Variants in HS3ST5 observed in about 807,000 individuals in gnomAD.
HS3ST5 encodes the protein heparan sulfate-glucosamine 3-sulfotransferase 5.
HS3ST5 carries 10 observed loss-of-function variants against 25.4 expected under a neutral mutation model. The ratio of observed to expected loss-of-function variants is 0.39; its 90% CI spans 0.24 to 0.67. The LOEUF (loss-of-function observed/expected upper bound fraction) is 0.67, where lower values mean the gene tolerates loss of function less well. HS3ST5 is among the 30% of genes least tolerant of loss of function. The pLI, the probability that HS3ST5 is intolerant of heterozygous loss-of-function variation, is 0.44. For synonymous variants in HS3ST5, 170 were observed against 162.4 expected, an observed-to-expected ratio of 1.05 and a Z score of -0.36; for missense variants, 324 against 420.7, an observed-to-expected ratio of 0.77 and a Z score of 2.01.
At chr6:114,138,082 T>C (rs1777721202) in intron 3 of HS3ST5, among the ~76,000 whole-genome samples, 1 of 152,114 alleles carries the variant, frequency 6.6e-6, no homozygotes, top group Non-Finnish European at 1.5e-5. Context: ...TTGTCTGAAG[T>C]CACATTGGTC....
chr6:114,127,281 A>C (rs1777089088), intron 3 of HS3ST5, among the ~76,000 whole-genome samples: 1 of 152,152 alleles, frequency 6.6e-6, no homozygotes, highest in South Asian at 2.1e-4. Context: ...CTACTTAATT[A>C]CCAATTTCTT....
chr6:114,294,212 T>C (rs138425753), intron 1 of HS3ST5, among the ~76,000 whole-genome samples: 216 of 152,222 alleles, frequency 1.4e-3, no homozygotes, highest in Middle Eastern at 0.014. Flanking sequence ...AGCTGATGCA[T>C]TGGAAGCAGA....
intron 2 of HS3ST5, among the ~76,000 whole-genome samples, chr6:114,189,266 T>C (rs1780380081): frequency 1.3e-5 from 2 of 152,170 alleles, no homozygotes; most frequent in African/African-American, 4.8e-5. Context: ...TTTGATACTT[T>C]ATCCACTTTA....
chr6:114,269,024 C>G (rs1003003361), intron 1 of HS3ST5, among the ~76,000 whole-genome samples: 1 of 152,204 alleles, frequency 6.6e-6, no homozygotes, highest in Non-Finnish European at 1.5e-5. Context: ...CCTTCCAACA[C>G]TTAACATTTT....
chr6:114,195,732 G>A (rs538027709), intron 2 of HS3ST5, among the ~76,000 whole-genome samples: 27 of 152,270 alleles, frequency 1.8e-4, no homozygotes, highest in Non-Finnish European at 3.1e-4. Context: ...GTGAACTTCA[G>A]TTGGAGAGAG....
chr6:114,251,007 A>G (rs9654629), intron 1 of HS3ST5, among the ~76,000 whole-genome samples: 6,615 of 152,340 alleles, frequency 0.043, 216 homozygotes, highest in African/African-American at 0.093. Flanking sequence ...TATCAGAAGC[A>G]TGAGAAAACC....
chr6:114,124,274 C>A (rs1376372992), intron 3 of HS3ST5, among the ~76,000 whole-genome samples: 10 of 152,134 alleles, frequency 6.6e-5, no homozygotes, highest in Admixed American at 6.5e-4. Flanking sequence ...TGAGTCCCAA[C>A]CCAGGTCAGA....
In HS3ST5 at chr6:114,084,712, C is replaced by G; in HGVS notation, c.-32-21835G>C. The G allele has an allele frequency of 5.6e-6, 7 of 1,240,226 alleles. No homozygotes were observed. In the South Asian group the frequency reaches 7.2e-5, roughly 13 times the overall value. 76.8% of individuals were successfully genotyped at this position (1,240,226 alleles called of 1,614,324 possible). A position where few individuals can be genotyped will look rare whatever the true frequency, so the allele number is the denominator to read the frequency against. ...GAAGCCGTGGCTCCTGGAAGGCTGC[C>G]TGGATTTGGTTAGTGAAGGTTCCAG... On this transcript the variant is annotated intron_variant, in intron 3 of 4. Transcript: ENST00000312719.
chr6:114,192,461 T>C (rs892296666), intron 2 of HS3ST5, among the ~76,000 whole-genome samples: 1 of 152,238 alleles, frequency 6.6e-6, no homozygotes, highest in Non-Finnish European at 1.5e-5. Flanking sequence ...TTAAGGTGCA[T>C]TCAACTTTGT....
At chr6:114,336,158 T>C (rs1311670135) in intron 1 of HS3ST5, among the ~76,000 whole-genome samples, 2 of 152,192 alleles carry the variant, frequency 1.3e-5, no homozygotes, top group African/African-American at 4.8e-5. Flanking sequence ...TCTATGATGA[T>C]GGTATGTTGA....
chr6:114,320,910 C>CTATA (rs1200369640), intron 1 of HS3ST5, among the ~76,000 whole-genome samples: 19 of 108,562 alleles, frequency 1.8e-4, no homozygotes, highest in Non-Finnish European at 2.5e-4. Flanking sequence ...CTCTCTCTCT[C>CTATA]TCTCTATATA....
chr6:114,162,591 C>G (rs1779024733), intron 3 of HS3ST5, among the ~76,000 whole-genome samples: 1 of 152,214 alleles, frequency 6.6e-6, no homozygotes, highest in African/African-American at 2.4e-5. Flanking sequence ...CTCCCTATCA[C>G]TTGGAGGCCA....
chr6:114,282,498 G>A (rs368829227), intron 1 of HS3ST5, among the ~76,000 whole-genome samples: 7 of 152,000 alleles, frequency 4.6e-5, no homozygotes, highest in South Asian at 2.1e-4. Flanking sequence ...CAATTTTCTC[G>A]GTCTGTCGGA....
At chr6:114,227,764 AC>A (rs1771371176) in intron 2 of HS3ST5, among the ~76,000 whole-genome samples, 1 of 152,088 alleles carries the variant, frequency 6.6e-6, no homozygotes, top group African/African-American at 2.4e-5. Context: ...CCTAGTAACA[AC>A]TCATTATTTT....
chr6:114,257,411 C>T (rs1772979492), intron 1 of HS3ST5, among the ~76,000 whole-genome samples: 1 of 152,092 alleles, frequency 6.6e-6, no homozygotes, highest in Non-Finnish European at 1.5e-5. Context: ...CTATTATTTT[C>T]CTCCCTATTT....
intron 3 of HS3ST5, among the ~76,000 whole-genome samples, chr6:114,100,786 A>G (rs2114820172): frequency 6.6e-6 from 1 of 152,354 alleles, no homozygotes; most frequent in East Asian, 1.9e-4. Context: ...ATTTAGTTCC[A>G]AAACATACAC....
chr6:114,146,417 G>A (rs1189055902), intron 3 of HS3ST5, among the ~76,000 whole-genome samples: 1 of 152,254 alleles, frequency 6.6e-6, no homozygotes, highest in African/African-American at 2.4e-5. Context: ...ATCCCTAAAC[G>A]AGGTCCCCAA....
intron 1 of HS3ST5, among the ~76,000 whole-genome samples, chr6:114,248,188 G>T (rs926232617): frequency 4.2e-4 from 59 of 141,778 alleles, no homozygotes; most frequent in African/African-American, 1.5e-3. Context: ...GTGACAGAGC[G>T]AGATTCCATC....
chr6:114,141,433 A>C (rs1238885876), intron 3 of HS3ST5, among the ~76,000 whole-genome samples: 5 of 152,232 alleles, frequency 3.3e-5, no homozygotes, highest in African/African-American at 1.2e-4. Context: ...TTTAAAGCTA[A>C]GCATACGAGG....
Sources: gnomAD v4.1 joint callset for allele counts (sites outside exome capture counted in the v4.1 genomes callset) on GRCh38, gnomAD v4.1.1 for gene constraint, MANE v1.5 for transcripts, NCBI Gene and HGNC (gene_info 2026-07-23, HGNC 2026-07-21) for gene names.